DRC10: variants seen among roughly 807,000 people sequenced by gnomAD.
DRC10 encodes IQ domain-containing protein D.
the DRC10 span, among the ~76,000 whole-genome samples, chr12:113,220,281 A>G: frequency 1.3e-5 from 2 of 152,040 alleles, no homozygotes; most frequent in Non-Finnish European, 2.9e-5. Flanking sequence ...TTTGAGACAG[A>G]GTCTTGCTCT....
the DRC10 span, among the ~76,000 whole-genome samples, chr12:113,215,064 T>C: frequency 2.0e-5 from 3 of 152,160 alleles, no homozygotes; most frequent in African/African-American, 2.4e-5. Context: ...GTGACTCAGA[T>C]TGGGAGGGAA....
chr12:113,211,808 G>A, the DRC10 span, among the ~76,000 whole-genome samples: 2 of 152,058 alleles, frequency 1.3e-5, no homozygotes, highest in Non-Finnish European at 2.9e-5. Context: ...GCTCACAGCT[G>A]CAATCCAAGC....
the DRC10 span, among the ~76,000 whole-genome samples, chr12:113,199,700 A>C: frequency 1.3e-4 from 20 of 151,826 alleles, no homozygotes; most frequent in Non-Finnish European, 2.8e-4. Flanking sequence ...ATGATGAAGG[A>C]GAAGGCAAAT....
At chr12:113,198,917 CCT>C in the DRC10 span, among the ~76,000 whole-genome samples, 1 of 151,848 alleles carries the variant, frequency 6.6e-6, no homozygotes, top group Admixed American at 6.6e-5. Flanking sequence ...AGAGCAAAAC[CCT>C]GTCTCCACAA....
the DRC10 span, among the ~76,000 whole-genome samples, chr12:113,216,483 A>G: frequency 6.6e-6 from 1 of 152,198 alleles, no homozygotes; most frequent in East Asian, 1.9e-4. Context: ...AAATTCACAG[A>G]ATGTACAACA....
chr12:113,202,265 A>C, the DRC10 span, among the ~76,000 whole-genome samples: 1 of 151,736 alleles, frequency 6.6e-6, no homozygotes, highest in Admixed American at 6.6e-5. Flanking sequence ...AGACCCCTCA[A>C]GACCACACAA....
At chr12:113,207,755 T>C in the DRC10 span, 45 of 1,614,064 alleles carry the variant, frequency 2.8e-5, no homozygotes, top group Middle Eastern at 1.6e-4. Flanking sequence ...AGGCTGGATT[T>C]CTGCAGCTCT....
the DRC10 span, among the ~76,000 whole-genome samples, chr12:113,210,541 C>T: frequency 6.6e-6 from 1 of 151,042 alleles, no homozygotes; most frequent in Non-Finnish European, 1.5e-5. Flanking sequence ...GTGGGAGGAT[C>T]GCTTGAGCCC....
the DRC10 span, chr12:113,195,583 T>G: frequency 6.3e-7 from 1 of 1,591,440 alleles, no homozygotes; most frequent in Middle Eastern, 1.7e-4. Context: ...GCTCATTTCT[T>G]GCCCTTGCCC....
the DRC10 span, chr12:113,207,606 C>G: frequency 6.2e-7 from 1 of 1,614,168 alleles, no homozygotes; most frequent in African/African-American, 1.3e-5. Context: ...GGAGCTCTAT[C>G]AGGCTGTCAA....
the DRC10 span, among the ~76,000 whole-genome samples, chr12:113,213,677 G>C: frequency 6.6e-6 from 1 of 152,214 alleles, no homozygotes; most frequent in Non-Finnish European, 1.5e-5. Flanking sequence ...ATTGACTTCT[G>C]GCCGGGCGCA....
the DRC10 span, among the ~76,000 whole-genome samples, chr12:113,197,190 CTTTTTT>C: frequency 8.3e-6 from 1 of 119,946 alleles, no homozygotes; most frequent in Non-Finnish European, 1.7e-5. Flanking sequence ...TAGCCAGTCG[CTTTTTT>C]TTTTTTTTTT....
chr12:113,207,778 C>T, the DRC10 span: 20 of 1,614,138 alleles, frequency 1.2e-5, no homozygotes, highest in East Asian at 2.2e-5. Context: ...GGAAAGGAGG[C>T]GGTCTCTGAG....
At chr12:113,210,612 G>GAAAAAAAA in the DRC10 span, among the ~76,000 whole-genome samples, 54 of 107,260 alleles carry the variant, frequency 5.0e-4, no homozygotes, top group East Asian at 9.4e-4. Flanking sequence ...AAGAAAAAAA[G>GAAAAAAAA]AAAAAAAAAA....
At chr12:113,221,089 G>A in the DRC10 span, 2 of 445,942 alleles carry the variant, frequency 4.5e-6, no homozygotes, top group Admixed American at 2.4e-5. Context: ...GCGAGACTCG[G>A]TGTCTGACTG....
At chr12:113,197,809 C>G in the DRC10 span, among the ~76,000 whole-genome samples, 1 of 152,180 alleles carries the variant, frequency 6.6e-6, no homozygotes, top group African/African-American at 2.4e-5. Context: ...GGTGACAGAG[C>G]TAATGGGTGG....
the DRC10 span, among the ~76,000 whole-genome samples, chr12:113,220,221 A>G: frequency 6.6e-6 from 1 of 152,194 alleles, no homozygotes; most frequent in Non-Finnish European, 1.5e-5. Flanking sequence ...TTCCAAAGTT[A>G]GGATAAAGGC....
At chr12:113,219,045 T>C in the DRC10 span, among the ~76,000 whole-genome samples, 1 of 152,166 alleles carries the variant, frequency 6.6e-6, no homozygotes, top group South Asian at 2.1e-4. Context: ...GTTTTATTTA[T>C]TTATTTTTGA....
At chr12:113,220,570 C>CAACAAA in the DRC10 span, among the ~76,000 whole-genome samples, 4 of 152,146 alleles carry the variant, frequency 2.6e-5, no homozygotes, top group Non-Finnish European at 4.4e-5. Context: ...ACAACAACAA[C>CAACAAA]AACAAAACAA....
Sources: gnomAD v4.1 joint callset for allele counts (sites outside exome capture counted in the v4.1 genomes callset) on GRCh38, gnomAD v4.1.1 for gene constraint, MANE v1.5 for transcripts, NCBI Gene and HGNC (gene_info 2026-07-23, HGNC 2026-07-21) for gene names.